BBS9: variants seen among roughly 807,000 people sequenced by gnomAD.
BBS9 encodes Bardet-Biedl syndrome 9.
A neutral mutation model predicts 117.7 loss-of-function variants in BBS9; 89 were observed. The observed-to-expected ratio is 0.76, with a 90% CI of 0.64 to 0.90. The LOEUF (loss-of-function observed/expected upper bound fraction) is 0.90, where lower values mean the gene tolerates loss of function less well. BBS9 is among the 40% of genes least tolerant of loss of function. BBS9 has a pLI of 0.00. For synonymous variants in BBS9, 379 were observed against 370.9 expected, an observed-to-expected ratio of 1.02 and a Z score of -0.25; for missense variants, 982 against 1,042.2, an observed-to-expected ratio of 0.94 and a Z score of 0.80.
chr7:33,426,559 A>C (rs1563160757), intron 19 of BBS9, among the ~76,000 whole-genome samples: 2 of 149,044 alleles, frequency 1.3e-5, no homozygotes, highest in Admixed American at 1.3e-4. Flanking sequence ...GGGAGATATT[A>C]ATAGATGTTC....
Position 33,129,646 on chromosome 7 carries a change from C to G in BBS9, c.-407C>G, listed in dbSNP as rs3750123. On this transcript the variant is annotated 5_prime_UTR_variant, in exon 1 of 23. It adds an upstream start codon to the 5' untranslated region. Transcript: ENST00000242067. ...TGCGGCCGTCGGGTTTCTGCTACAT[C>G]CCATTCACCGCCTCCTCCATCCTTT... is the stretch of plus-strand genomic sequence containing the variant. 24,817 of 152,934 alleles carry G rather than the reference C, an allele frequency of 0.16. 2,157 individuals carry two copies. The highest frequency in any genetic ancestry group is 0.22 in the South Asian group (1,055 of 4,884). 9.5% of individuals were successfully genotyped at this position (152,934 alleles called of 1,614,324 possible).
downstream of BBS9, among the ~76,000 whole-genome samples, chr7:33,606,355 G>C (rs1246501228): frequency 6.6e-6 from 1 of 152,174 alleles, no homozygotes; most frequent in African/African-American, 2.4e-5. Context: ...AGCAACAGAA[G>C]GCTGTGTGGA....
At chr7:33,619,021 A>G (rs1001088784) in intron 21 of BBS9, among the ~76,000 whole-genome samples, 3 of 152,220 alleles carry the variant, frequency 2.0e-5, no homozygotes, top group Admixed American at 6.5e-5. Context: ...CATTAATTAC[A>G]TTAAATATAA....
chr7:33,226,378 T>C (rs144833898), intron 5 of BBS9, among the ~76,000 whole-genome samples: 1 of 152,306 alleles, frequency 6.6e-6, no homozygotes, highest in East Asian at 1.9e-4. Context: ...ATCTGATAGG[T>C]CTTTTATTGA....
At chr7:33,434,764 G>T (rs1835053502) in intron 19 of BBS9, among the ~76,000 whole-genome samples, 1 of 152,096 alleles carries the variant, frequency 6.6e-6, no homozygotes. Flanking sequence ...AACAAGTTAT[G>T]TTTGAAATAA....
At chr7:33,153,310 C>G (rs1213480889) in intron 3 of BBS9, among the ~76,000 whole-genome samples, 2 of 152,180 alleles carry the variant, frequency 1.3e-5, no homozygotes, top group African/African-American at 4.8e-5. Context: ...CAAAGTAAGT[C>G]TTCCCCCTAC....
chr7:33,220,694 A>G (rs889562254), intron 5 of BBS9, among the ~76,000 whole-genome samples: 2 of 152,206 alleles, frequency 1.3e-5, no homozygotes, highest in Non-Finnish European at 2.9e-5. Context: ...TTATTTGCCT[A>G]TTGTACATTG....
In BBS9 at chr7:33,357,935, A is replaced by T. The variant is rs758848851; in HGVS notation, c.1633A>T (p.Ser545Cys). The change falls in exon 16 of 23, where the codon AGC (serine) becomes TGC (cysteine). Residue 545 changes from serine to cysteine, a missense_variant. Ser to Cys is a moderately radical substitution (Grantham distance 112, BLOSUM62 -1). Transcript: ENST00000242067. Reference sequence around the variant, plus strand: ...ACCAGGTCAGCCTTCAAAAACTGCAAGCCACAAAATTACTATTGATACCAA... The same window carrying T: ...ACCAGGTCAGCCTTCAAAAACTGCATGCCACAAAATTACTATTGATACCAA... ...CLPGQPSKTA[S>C]HKITIDTNKS... The T allele has an allele frequency of 6.2e-7, 1 of 1,612,670 alleles. No individual in the cohort carries two copies. The highest frequency in any genetic ancestry group is 1.1e-5 in the South Asian group (1 of 91,054).
intron 21 of BBS9, among the ~76,000 whole-genome samples, chr7:33,579,537 G>A (rs1323048124): frequency 1.3e-5 from 2 of 151,976 alleles, no homozygotes; most frequent in African/African-American, 2.4e-5. Flanking sequence ...ATCAATTTTC[G>A]CCTCAAACAT....
At chr7:33,439,198 C>A (rs74652558) in intron 19 of BBS9, among the ~76,000 whole-genome samples, 10,332 of 152,258 alleles carry the variant, frequency 0.068, 399 homozygotes, top group African/African-American at 0.08. Flanking sequence ...TTTCTTACTG[C>A]TGCTCACATG....
At chr7:33,318,619 G>A (rs190930606) in intron 9 of BBS9, among the ~76,000 whole-genome samples, 228 of 151,992 alleles carry the variant, frequency 1.5e-3, no homozygotes, top group South Asian at 7.9e-3. Flanking sequence ...GGGGAACGGC[G>A]GTATTTGGTT....
intron 21 of BBS9, among the ~76,000 whole-genome samples, chr7:33,555,883 C>T (rs1431420896): frequency 6.6e-6 from 1 of 152,208 alleles, no homozygotes; most frequent in Non-Finnish European, 1.5e-5. Context: ...TTAGCTGTTT[C>T]ATATGCTTCA....
At chr7:33,130,604 A>G (rs1185635868) in intron 1 of BBS9, among the ~76,000 whole-genome samples, 2 of 152,236 alleles carry the variant, frequency 1.3e-5, no homozygotes, top group Admixed American at 1.3e-4. Flanking sequence ...ATTGATAAAC[A>G]ACTTGAAAGA....
At chr7:33,255,049 T>C (rs1796812782) in intron 5 of BBS9, among the ~76,000 whole-genome samples, 1 of 152,220 alleles carries the variant, frequency 6.6e-6, no homozygotes, top group African/African-American at 2.4e-5. Context: ...TTATATCTTT[T>C]AGAGACTAAT....
chr7:33,289,118 T>TTAGTGCG (rs1479743071), intron 9 of BBS9, among the ~76,000 whole-genome samples: 1 of 152,186 alleles, frequency 6.6e-6, no homozygotes, highest in Admixed American at 6.5e-5. Flanking sequence ...CCCTTTCAGA[T>TTAGTGCG]TAGTGCGATT....
At chr7:33,146,840 A>G (rs573989243) in intron 2 of BBS9, among the ~76,000 whole-genome samples, 3 of 152,186 alleles carry the variant, frequency 2.0e-5, no homozygotes, top group Non-Finnish European at 4.4e-5. Flanking sequence ...ACTGATAACT[A>G]TAGTCTTTCT....
At chr7:33,509,095 T>A (rs545889549) in intron 20 of BBS9, among the ~76,000 whole-genome samples, 17 of 152,216 alleles carry the variant, frequency 1.1e-4, no homozygotes, top group African/African-American at 4.1e-4. Context: ...GTCTTTGGAG[T>A]CATTAATGAG....
chr7:33,456,613 T>A (rs952746282), intron 19 of BBS9, among the ~76,000 whole-genome samples: 2 of 152,112 alleles, frequency 1.3e-5, no homozygotes, highest in Admixed American at 1.3e-4. Flanking sequence ...TTTTTTCCCC[T>A]CTCCCCTAAG....
rs985505841 is a variant in BBS9 at position 33,364,190 on chromosome 7, C to T, written c.1694-3577C>T. Among the ~76,000 whole-genome samples, 2 of 32,206 alleles carry T rather than the reference C, an allele frequency of 6.2e-5. 1 individual carries two copies. The highest frequency in any genetic ancestry group is 1.3e-4 in the Non-Finnish European group (2 of 15,082). 21.1% of individuals were successfully genotyped at this position (32,206 alleles called of 152,430 possible). A position where few individuals can be genotyped will look rare whatever the true frequency, so the allele number is the denominator to read the frequency against. On this transcript the variant is annotated intron_variant, in intron 16 of 22. Transcript: ENST00000242067. ...GTCTCGATCTCCTGACCTCGTGATCCGCCCGCCTCGGCCTCCCAAAGTGCT... is the reference window on the plus strand; with the variant it reads ...GTCTCGATCTCCTGACCTCGTGATCTGCCCGCCTCGGCCTCCCAAAGTGCT...
Sources: allele counts gnomAD v4.1 joint callset (sites outside exome capture counted in the v4.1 genomes callset), GRCh38; gene constraint gnomAD v4.1.1; transcripts MANE v1.5; gene names NCBI Gene and HGNC (gene_info 2026-07-23, HGNC 2026-07-21).